The following PPP2R2B variants were observed in gnomAD, a reference collection of about 807,000 sequenced individuals.
PPP2R2B encodes the protein protein phosphatase 2 regulatory subunit Bbeta, also known as serine/threonine-protein phosphatase 2A 55 kDa regulatory subunit B beta isoform.
PPP2R2B carries 5 observed loss-of-function variants against 46.0 expected under a neutral mutation model. That is an observed-to-expected ratio of 0.11 (90% CI 0.06 to 0.23). The LOEUF is 0.23. Among genes scored for constraint, PPP2R2B ranks in the 10% least tolerant of loss-of-function variants. The pLI, the probability that PPP2R2B is intolerant of heterozygous loss-of-function variation, is 1.00. For synonymous variants in PPP2R2B, 215 were observed against 206.7 expected (o/e 1.04, Z -0.34); for missense variants, 367 against 575.0 (o/e 0.64, Z 3.70).
intron 2 of PPP2R2B, among the ~76,000 whole-genome samples, chr5:146,716,923 A>C (rs1347413127): frequency 6.6e-6 from 1 of 152,204 alleles, no homozygotes; most frequent in Admixed American, 6.5e-5. Context: ...GTTCCCTGAA[A>C]ACAGAATAAT....
chr5:146,815,363 A>T (rs181707831), intron 2 of PPP2R2B, among the ~76,000 whole-genome samples: 3 of 152,350 alleles, frequency 2.0e-5, no homozygotes, highest in African/African-American at 7.2e-5. Context: ...CTTTCATTGT[A>T]TGCTTATTGA....
intron 5 of PPP2R2B, among the ~76,000 whole-genome samples, chr5:146,665,960 T>C (rs1776958169): frequency 6.6e-6 from 1 of 152,230 alleles, no homozygotes; most frequent in Non-Finnish European, 1.5e-5. Flanking sequence ...TACAAACCTT[T>C]AACTTGTAAA....
intron 4 of PPP2R2B, among the ~76,000 whole-genome samples, chr5:146,691,976 C>T (rs1408253139): frequency 6.6e-6 from 1 of 152,208 alleles, no homozygotes; most frequent in Non-Finnish European, 1.5e-5. Flanking sequence ...GAACCATTCT[C>T]TATCTCCTCT....
chr5:146,906,413 C>G (rs977968525), intron 1 of PPP2R2B, among the ~76,000 whole-genome samples: 10 of 152,106 alleles, frequency 6.6e-5, no homozygotes, highest in African/African-American at 2.4e-4. Context: ...ACCTCTGCCT[C>G]CTGGGTTCAA....
Position 147,081,078 on chromosome 5 carries a change from GA to G in PPP2R2B, c.30del (p.Arg11GlufsTer44). 6.5e-7 allele frequency: 1 copy of G among 1,535,514 alleles called. No homozygotes were observed. The highest frequency in any genetic ancestry group is 2.0e-5 in the Admixed American group (1 of 51,000). On this transcript the variant is annotated frameshift_variant, in exon 2 of 11. Transcript: ENST00000394413. LOFTEE classifies it high-confidence loss of function. ...TCCTACCTTCTGTGGTTCCAATCTC[GA>G]TAGTGCCTTTCACTTGGCTGAAGCA...
chr5:146,790,747 T>G, intron 2 of PPP2R2B, among the ~76,000 whole-genome samples: 1 of 152,246 alleles, frequency 6.6e-6, no homozygotes, highest in South Asian at 2.1e-4. Flanking sequence ...CTAGATTTTC[T>G]TCTCTGAAAA....
intron 6 of PPP2R2B, 63 bp downstream of exon 6, chr5:146,650,484 C>G: frequency 2.7e-6 from 4 of 1,466,192 alleles, no homozygotes; most frequent in Non-Finnish European, 3.7e-6. Context: ...TTTCTCCCAG[C>G]CCACTCGCAC....
chr5:146,777,804 TG>T (rs1394060263), intron 2 of PPP2R2B, among the ~76,000 whole-genome samples: 1 of 152,198 alleles, frequency 6.6e-6, no homozygotes, highest in Non-Finnish European at 1.5e-5. Flanking sequence ...GCCAGATAGC[TG>T]GAACAGGCAA....
intron 5 of PPP2R2B, among the ~76,000 whole-genome samples, chr5:146,675,510 C>G (rs113986773): frequency 4.0e-4 from 61 of 152,234 alleles, no homozygotes; most frequent in African/African-American, 1.3e-3. Flanking sequence ...CAATAACAAC[C>G]ATGATTGTTA....
chr5:146,966,853 A>G (rs956540939), intron 1 of PPP2R2B, among the ~76,000 whole-genome samples: 3 of 152,112 alleles, frequency 2.0e-5, no homozygotes, highest in African/African-American at 4.8e-5. Flanking sequence ...ACCTCATTTA[A>G]TCTCTATAAT....
intron 1 of PPP2R2B, among the ~76,000 whole-genome samples, chr5:146,979,727 A>C (rs1753080084): frequency 6.6e-6 from 1 of 152,208 alleles, no homozygotes; most frequent in Admixed American, 6.5e-5. Context: ...CATACCAATG[A>C]TAAAGTTTAA....
At chr5:147,059,019 T>C (rs1272492477), upstream of PPP2R2B, among the ~76,000 whole-genome samples, 2 of 152,196 alleles carry the variant, frequency 1.3e-5, no homozygotes, top group Non-Finnish European at 2.9e-5. Context: ...TTTCATGCTC[T>C]GGCTTGACAA....
At chr5:147,031,286 T>C (rs1755770212) in intron 1 of PPP2R2B, among the ~76,000 whole-genome samples, 1 of 151,978 alleles carries the variant, frequency 6.6e-6, no homozygotes, top group Non-Finnish European at 1.5e-5. Flanking sequence ...TTTTATTAGA[T>C]AGAGCATTCA....
chr5:146,635,363 T>C (rs1278153272), intron 7 of PPP2R2B, among the ~76,000 whole-genome samples: 2 of 152,136 alleles, frequency 1.3e-5, no homozygotes, highest in Non-Finnish European at 2.9e-5. Context: ...TGTGTGTTTA[T>C]TTCATCATCC....
chr5:146,710,169 C>T (rs1023725450), intron 2 of PPP2R2B, among the ~76,000 whole-genome samples: 2 of 152,162 alleles, frequency 1.3e-5, no homozygotes, highest in African/African-American at 4.8e-5. Flanking sequence ...ATGCCAACCC[C>T]AATTTATTCA....
intron 5 of PPP2R2B, among the ~76,000 whole-genome samples, chr5:146,676,884 C>G (rs7729828): frequency 0.061 from 9,311 of 152,228 alleles, 408 homozygotes; most frequent in East Asian, 0.2. Context: ...GTTTGACCGT[C>G]AAGTAGTGCA....
chr5:146,772,383 CATATATATATAT>C (rs33981708), intron 2 of PPP2R2B, among the ~76,000 whole-genome samples: 169 of 133,570 alleles, frequency 1.3e-3, no homozygotes, highest in African/African-American at 3.1e-3. Flanking sequence ...ATAACTTGTG[CATATATATATAT>C]ATATATATAT....
intron 2 of PPP2R2B, among the ~76,000 whole-genome samples, chr5:146,776,940 A>G (rs1755221378): frequency 6.6e-6 from 1 of 152,128 alleles, no homozygotes; most frequent in East Asian, 1.9e-4. Flanking sequence ...AAAATACCAC[A>G]CTAAGATACT....
At chr5:147,073,532 T>A (rs1335451793) in intron 2 of PPP2R2B, among the ~76,000 whole-genome samples, 1 of 152,172 alleles carries the variant, frequency 6.6e-6, no homozygotes, top group Admixed American at 6.5e-5. Flanking sequence ...TCCACTTCTT[T>A]TTCACACACA....
Sources: gnomAD v4.1 joint callset for allele counts (sites outside exome capture counted in the v4.1 genomes callset) on GRCh38, gnomAD v4.1.1 for gene constraint, MANE v1.5 for transcripts, NCBI Gene and HGNC (gene_info 2026-07-23, HGNC 2026-07-21) for gene names.